Variants in LRP1B observed in about 807,000 individuals in gnomAD.
LRP1B encodes the protein low-density lipoprotein receptor-related protein 1B.
In LRP1B, 217 loss-of-function variants were observed where a neutral mutation model predicts 556.6. That is an observed-to-expected ratio of 0.39 (90% CI 0.35 to 0.44). LRP1B has a LOEUF of 0.44. Among genes scored for constraint, LRP1B ranks in the 20% least tolerant of loss-of-function variants. The pLI, the probability that LRP1B is intolerant of heterozygous loss-of-function variation, is 1.00. For synonymous variants in LRP1B, 2,047 were observed against 1,865.8 expected, an observed-to-expected ratio of 1.10 and a Z score of -2.50; for missense variants, 5,053 against 5,620.8, an observed-to-expected ratio of 0.90 and a Z score of 3.23.
At chr2:140,780,936 G>T (rs1454885086) in intron 32 of LRP1B, among the ~76,000 whole-genome samples, 1 of 152,118 alleles carries the variant, frequency 6.6e-6, no homozygotes, top group Non-Finnish European at 1.5e-5. Flanking sequence ...ATTTCCACAG[G>T]CAACATATAA....
rs555076467 is a variant in LRP1B, at chr2:141,762,825, T to C, written c.205+47454A>G. Among the ~76,000 whole-genome samples, 10 of 152,344 alleles carry C rather than the reference T, an allele frequency of 6.6e-5. No individual in the cohort carries two copies. In the South Asian group the frequency reaches 2.1e-3, roughly 32 times the overall value. ...ATAGAGAAAAATATTTAAAAGTTAG[T>C]AAATGGATTTATTTGTAACTGAGAT... On this transcript the variant is annotated intron_variant, in intron 2 of 90. Transcript: ENST00000389484.
intron 27 of LRP1B, among the ~76,000 whole-genome samples, chr2:140,856,738 TACACACACACACACAC>T (rs57220779): frequency 0.45 from 66,536 of 148,376 alleles, 15,847 homozygotes; most frequent in South Asian, 0.57. Flanking sequence ...CTAAGAGAGA[TACACACACACACACAC>T]ACACACACAC....
intron 21 of LRP1B, among the ~76,000 whole-genome samples, chr2:140,908,978 T>C (rs1353744217): frequency 2.6e-5 from 4 of 152,110 alleles, no homozygotes; most frequent in Non-Finnish European, 5.9e-5. Context: ...TTTGTATTTT[T>C]AGTAGAGATG....
chr2:141,162,448 T>C (rs940525219), intron 7 of LRP1B, among the ~76,000 whole-genome samples: 1 of 152,074 alleles, frequency 6.6e-6, no homozygotes, highest in African/African-American at 2.4e-5. Flanking sequence ...CTGTTTATCT[T>C]TTCAATGATG....
chr2:141,930,365 G>A (rs1419983362), intron 1 of LRP1B, among the ~76,000 whole-genome samples: 4 of 151,818 alleles, frequency 2.6e-5, no homozygotes, highest in African/African-American at 4.8e-5. Flanking sequence ...AGCCAGCAAG[G>A]GACACTCATT....
At chr2:142,008,486 A>T (rs994993241) in intron 1 of LRP1B, among the ~76,000 whole-genome samples, 1 of 150,124 alleles carries the variant, frequency 6.7e-6, no homozygotes, top group Non-Finnish European at 1.5e-5. Context: ...AGTCTAGCCC[A>T]TTCTGTCAGA....
At chr2:140,573,540 T>A (rs187418828) in intron 43 of LRP1B, among the ~76,000 whole-genome samples, 31 of 152,154 alleles carry the variant, frequency 2.0e-4, no homozygotes, top group African/African-American at 6.3e-4. Context: ...CTTAAATATT[T>A]AAGTAAAAAT....
chr2:140,528,616 G>A (rs181280230), intron 47 of LRP1B, among the ~76,000 whole-genome samples: 1 of 151,956 alleles, frequency 6.6e-6, no homozygotes, highest in African/African-American at 2.4e-5. Flanking sequence ...ACCTGATCCT[G>A]TCTCCACATA....
At chr2:141,728,453 A>G (rs1165832488) in intron 2 of LRP1B, among the ~76,000 whole-genome samples, 2 of 151,856 alleles carry the variant, frequency 1.3e-5, no homozygotes, top group African/African-American at 2.4e-5. Context: ...ATTCCTTTCT[A>G]TTTTACTTTT....
chr2:141,119,099 T>G (rs1157323207), intron 7 of LRP1B, among the ~76,000 whole-genome samples: 1 of 151,974 alleles, frequency 6.6e-6, no homozygotes, highest in Non-Finnish European at 1.5e-5. Flanking sequence ...TTTTGTGTTT[T>G]ACACTCATTG....
chr2:140,927,708 CTTT>C (rs11441032), intron 20 of LRP1B, among the ~76,000 whole-genome samples: 35 of 116,084 alleles, frequency 3.0e-4, no homozygotes, highest in East Asian at 2.8e-3. Context: ...ACGAGGAAGG[CTTT>C]TTTTTTTTTT....
Position 141,193,367 on chromosome 2 carries a change from A to T in LRP1B, c.851-4784T>A, listed in dbSNP as rs560896337. ...AAATGCTCATCGTGACTGATTGGATAAAGAAAACATGGTGCATATATATAC... is the reference window on the plus strand; with the variant it reads ...AAATGCTCATCGTGACTGATTGGATTAAGAAAACATGGTGCATATATATAC... On this transcript the variant is annotated intron_variant, in intron 6 of 90. Coordinates refer to ENST00000389484, the MANE Select transcript of LRP1B (RefSeq NM_018557.3). 3.0e-4 allele frequency among the ~76,000 whole-genome samples: 46 copies of T among 152,184 alleles called. 2 individuals are homozygous for T. The South Asian group carries it at 9.3e-3, about 31-fold the overall frequency.
intron 7 of LRP1B, among the ~76,000 whole-genome samples, chr2:141,181,265 G>A (rs1177660812): frequency 2.6e-5 from 4 of 151,772 alleles, no homozygotes; most frequent in Non-Finnish European, 4.4e-5. Context: ...GAATTATCCT[G>A]GAAAGAATAC....
In LRP1B at chr2:140,475,271, A is replaced by AT; in HGVS notation, c.9491dup (p.Asn3164LysfsTer12). 6.2e-7 allele frequency: 1 copy of AT among 1,612,118 alleles called. No individual in the cohort carries two copies. The highest frequency in any genetic ancestry group is 8.5e-7 in the Non-Finnish European group (1 of 1,178,766). ...TCTTGGTTTCTATGACAACACTCTG[A>AT]TTGGTTCCATCCATTCCAACACGGC... On this transcript the variant is annotated frameshift_variant, in exon 60 of 91. Transcript: ENST00000389484. LOFTEE classifies it high-confidence loss of function.
intron 1 of LRP1B, among the ~76,000 whole-genome samples, chr2:141,979,328 A>G (rs924998606): frequency 1.3e-5 from 2 of 152,084 alleles, no homozygotes; most frequent in African/African-American, 4.8e-5. Flanking sequence ...ACAGGCAGGA[A>G]TTTCATTAGT....
Position 140,640,383 on chromosome 2 carries a change from C to CTTTTTTTTTTTTTTTTT in LRP1B, c.6800-38761_6800-38745dup, listed in dbSNP as rs70988414. Among the ~76,000 whole-genome samples, 4 of 48,500 alleles carry CTTTTTTTTTTTTTTTTT rather than the reference C, an allele frequency of 8.2e-5. 1 individual carries two copies. The highest frequency in any genetic ancestry group is 1.4e-4 in the Non-Finnish European group (4 of 28,326). The allele number at this position is 48,500 out of a possible 152,430, so 31.8% of individuals were successfully genotyped here. A position where few individuals can be genotyped will look rare whatever the true frequency, so the allele number is the denominator to read the frequency against. Reference sequence around the variant, plus strand: ...ATCCACTATTCCCTTGTCCTGTTTTCTTTTTTTTTTTTTTTTTTTTTTTTT... The same window carrying CTTTTTTTTTTTTTTTTT: ...ATCCACTATTCCCTTGTCCTGTTTTCTTTTTTTTTTTTTTTTTTTTTTTTTTTTTTTTTTTTTTTTTT... On this transcript the variant is annotated intron_variant, in intron 41 of 90. Transcript: ENST00000389484.
At chr2:141,977,107 T>G (rs2105087292) in intron 1 of LRP1B, among the ~76,000 whole-genome samples, 1 of 152,294 alleles carries the variant, frequency 6.6e-6, no homozygotes, top group Non-Finnish European at 1.5e-5. Flanking sequence ...ATTATTTCCT[T>G]AATATAATTA....
At chr2:140,769,447 T>C in intron 34 of LRP1B, 103 bp from the exon 35 acceptor site, 1 of 1,145,168 alleles carries the variant, frequency 8.7e-7, no homozygotes, top group Non-Finnish European at 1.2e-6. Context: ...TTAATTTATG[T>C]TAACAAATGT....
chr2:141,293,879 T>C lies in LRP1B; in HGVS notation c.344-39238A>G, dbSNP rs1203886282. Among the ~76,000 whole-genome samples, 3 of 152,114 alleles carry C rather than the reference T, an allele frequency of 2.0e-5. No homozygotes were observed. The East Asian group carries it at 5.8e-4, about 29-fold the overall frequency. On this transcript the variant is annotated intron_variant, in intron 3 of 90. Coordinates refer to ENST00000389484, the MANE Select transcript of LRP1B (RefSeq NM_018557.3). ...TCATATCAAAAATTTCAAAACCAAG[T>C]ATTAACGTTCAAAAATAGAACAATT...
Sources: gnomAD v4.1 joint callset for allele counts (sites outside exome capture counted in the v4.1 genomes callset) on GRCh38, gnomAD v4.1.1 for gene constraint, MANE v1.5 for transcripts, NCBI Gene and HGNC (gene_info 2026-07-23, HGNC 2026-07-21) for gene names.